ARHGAP10: variants seen among roughly 807,000 people sequenced by gnomAD.
ARHGAP10 encodes rho GTPase-activating protein 10.
Under a neutral mutation model 108.6 loss-of-function variants are expected in ARHGAP10, and 87 were observed. The observed-to-expected ratio is 0.80, with a 90% CI of 0.67 to 0.96. The LOEUF (loss-of-function observed/expected upper bound fraction) is 0.96, where lower values mean the gene tolerates loss of function less well. Among genes scored for constraint, ARHGAP10 ranks in the 40% least tolerant of loss-of-function variants. ARHGAP10 has a pLI of 0.00. For missense variants in ARHGAP10, 939 were observed against 954.5 expected, an observed-to-expected ratio of 0.98 and a Z score of 0.21; for synonymous variants, 347 against 341.1, an observed-to-expected ratio of 1.02 and a Z score of -0.19.
intron 18 of ARHGAP10, among the ~76,000 whole-genome samples, chr4:147,989,843 A>G (rs1161828671): frequency 6.6e-5 from 10 of 152,250 alleles, no homozygotes; most frequent in Non-Finnish European, 7.3e-5. Context: ...AAAGACAGGC[A>G]TAGGAAATCA....
rs186103031 is a variant in ARHGAP10, at chr4:147,818,509, T to C, written c.155-4218T>C. On this transcript the variant is annotated intron_variant, in intron 1 of 22. Transcript: ENST00000336498. ...TGAATCCGGGAGGCGGAGTTTGCGGTGAGCTGAGATCTTGCCATTGCATTC... is the reference window on the plus strand; with the variant it reads ...TGAATCCGGGAGGCGGAGTTTGCGGCGAGCTGAGATCTTGCCATTGCATTC... Among the ~76,000 whole-genome samples the C allele has an allele frequency of 6.3e-3, 926 of 146,740 alleles. 4 individuals are homozygous for C. The highest frequency in any genetic ancestry group is 0.018 in the African/African-American group (707 of 39,502).
chr4:147,944,274 G>A (rs977509155), intron 14 of ARHGAP10, among the ~76,000 whole-genome samples: 1 of 152,184 alleles, frequency 6.6e-6, no homozygotes, highest in South Asian at 2.1e-4. Context: ...TGTCTGACAA[G>A]CTCAGTAACA....
At chr4:147,889,956 G>A (rs1450574474) in intron 10 of ARHGAP10, among the ~76,000 whole-genome samples, 2 of 152,206 alleles carry the variant, frequency 1.3e-5, no homozygotes, top group South Asian at 2.1e-4. Flanking sequence ...GATCACAGCT[G>A]ATATAATCCT....
rs1385862374 is a variant in ARHGAP10 at position 147,946,649 on chromosome 4, A to C, written c.1336A>C (p.Asn446His). The C allele has an allele frequency of 6.2e-7, 1 of 1,612,782 alleles. No individual in the cohort carries two copies. Among genetic ancestry groups the C allele is most frequent in the Admixed American group, 1.7e-5 (1 of 59,786 alleles). Residue 446 changes from asparagine (N) to histidine (H), a missense_variant, in exon 15 of 23, where the codon AAT becomes CAT. Physicochemically the swap from Asn to His is moderately conservative, Grantham distance 68. Transcript: ENST00000336498. The stretch of plus-strand genomic sequence containing the variant: ...AACATGCAATGAGGTGGACCTGGAG[A>C]ATTCTGCAGATTGGGAAGTGAAGAC... ...VKTCNEVDLE[N>H]SADWEVKTIT... is the part of the protein sequence containing the mutation.
rs759498019 is a variant in ARHGAP10 at position 147,875,031 on chromosome 4, G to A, written c.713G>A (p.Arg238Gln). 2 of 1,587,778 alleles carry A rather than the reference G, an allele frequency of 1.3e-6. No individual in the cohort carries two copies. Among genetic ancestry groups the A allele is most frequent in the South Asian group, 2.3e-5 (2 of 85,154 alleles). The part of the protein sequence containing the change: ...LQINIQNTRN[R>Q]FEGTRSEVEE... The stretch of plus-strand genomic sequence containing the variant: ...TTTAATCCATTTCAGACACGGAATC[G>A]ATTTGAAGGAACAAGGTCAGAAGTG... The change falls in exon 8 of 23, where the codon CGA becomes CAA. Residue 238 changes from arginine to glutamine, a missense_variant. Arg to Gln is a conservative substitution (Grantham distance 43, BLOSUM62 1). Transcript: ENST00000336498.
At chr4:148,061,466 T>TAA (rs147655346) in intron 20 of ARHGAP10, among the ~76,000 whole-genome samples, 7,141 of 151,026 alleles carry the variant, frequency 0.047, 549 homozygotes, top group African/African-American at 0.16. Flanking sequence ...CCTTTTCTGC[T>TAA]AAAAAAAAAT....
intron 20 of ARHGAP10, among the ~76,000 whole-genome samples, chr4:148,052,024 C>A (rs911207821): frequency 1.3e-5 from 2 of 152,098 alleles, no homozygotes; most frequent in Non-Finnish European, 2.9e-5. Context: ...CTGGGAGATA[C>A]CAGAGTACCC....
At chr4:147,911,641 C>T (rs941615349) in intron 12 of ARHGAP10, among the ~76,000 whole-genome samples, 8 of 28,664 alleles carry the variant, frequency 2.8e-4, no homozygotes, top group Admixed American at 1.1e-3. Flanking sequence ...GGATTACAGG[C>T]GTGAGCCACC....
intron 20 of ARHGAP10, among the ~76,000 whole-genome samples, chr4:148,052,340 A>T (rs1341516360): frequency 5.7e-5 from 5 of 87,768 alleles, no homozygotes; most frequent in Non-Finnish European, 1.1e-4. Flanking sequence ...CTGATTATGT[A>T]AAAAAAAAAA....
At chr4:148,001,636 TG>T (rs1365118402) in intron 18 of ARHGAP10, among the ~76,000 whole-genome samples, 1 of 75,120 alleles carries the variant, frequency 1.3e-5, no homozygotes, top group Admixed American at 1.2e-4. Flanking sequence ...TCACATCCCT[TG>T]TAAGTTGGAT....
At chr4:148,050,598 C>A (rs551129818) in intron 20 of ARHGAP10, among the ~76,000 whole-genome samples, 4 of 152,096 alleles carry the variant, frequency 2.6e-5, no homozygotes, top group South Asian at 2.1e-4. Context: ...TGGTCTCGAT[C>A]TCCTGACCTC....
chr4:147,844,264 C>G (rs1043047965), intron 3 of ARHGAP10, among the ~76,000 whole-genome samples: 1 of 152,008 alleles, frequency 6.6e-6, no homozygotes, highest in African/African-American at 2.4e-5. Context: ...TTGATAGAGG[C>G]GTGCAATGTA....
intron 3 of ARHGAP10, among the ~76,000 whole-genome samples, chr4:147,824,999 G>C (rs763214569): frequency 6.6e-6 from 1 of 152,168 alleles, no homozygotes; most frequent in African/African-American, 2.4e-5. Flanking sequence ...ATGGCATCTA[G>C]GAGGTAGAGC....
intron 4 of ARHGAP10, among the ~76,000 whole-genome samples, chr4:147,849,056 A>G (rs1390277945): frequency 2.6e-5 from 4 of 152,184 alleles, no homozygotes. Context: ...TGTTGTACCT[A>G]TGGATGTCAC....
intron 20 of ARHGAP10, among the ~76,000 whole-genome samples, chr4:148,052,485 G>A (rs1350360690): frequency 6.8e-6 from 1 of 147,486 alleles, no homozygotes; most frequent in African/African-American, 2.5e-5. Flanking sequence ...TTTCAGGTCA[G>A]GAGAGGGTGA....
intron 3 of ARHGAP10, among the ~76,000 whole-genome samples, chr4:147,826,871 G>A (rs1424443629): frequency 6.6e-6 from 1 of 151,868 alleles, no homozygotes; most frequent in Non-Finnish European, 1.5e-5. Flanking sequence ...TTCCAATTCT[G>A]CCTCTTTCCC....
At chr4:147,831,887 C>T (rs1732964067) in intron 3 of ARHGAP10, among the ~76,000 whole-genome samples, 1 of 152,164 alleles carries the variant, frequency 6.6e-6, no homozygotes, top group Non-Finnish European at 1.5e-5. Flanking sequence ...GACCCCTTTC[C>T]CTGCAAGGCC....
At position 148,072,366 on chromosome 4, in the gene ARHGAP10, A is replaced by C; in HGVS notation, c.*285A>C. On this transcript the variant is annotated 3_prime_UTR_variant, in exon 23 of 23. Transcript: ENST00000336498. ...GATTTTTAATTATCCAGCATATAGA[A>C]TGAGAGGGAGGGCAGCCTTCTGCCA... 3 of 355,226 alleles carry C rather than the reference A, an allele frequency of 8.4e-6. No homozygotes were observed. The highest frequency in any genetic ancestry group is 1.0e-5 in the Non-Finnish European group (2 of 197,440). 22.0% of individuals were successfully genotyped at this position (355,226 alleles called of 1,614,324 possible). A position where few individuals can be genotyped will look rare whatever the true frequency, so the allele number is the denominator to read the frequency against.
At chr4:148,005,581 G>A (rs1007435597) in intron 18 of ARHGAP10, among the ~76,000 whole-genome samples, 4 of 152,106 alleles carry the variant, frequency 2.6e-5, no homozygotes, top group Non-Finnish European at 4.4e-5. Flanking sequence ...AAATATTCTA[G>A]TTCTGTATCT....
Sources: gnomAD v4.1 joint callset for allele counts (sites outside exome capture counted in the v4.1 genomes callset) on GRCh38, gnomAD v4.1.1 for gene constraint, MANE v1.5 for transcripts, NCBI Gene and HGNC (gene_info 2026-07-23, HGNC 2026-07-21) for gene names.